The following ZFHX3 variants were observed in gnomAD, a reference collection of about 807,000 sequenced individuals.
The protein encoded by ZFHX3 is zinc finger homeobox 3, also known as zinc finger homeobox protein 3.
A neutral mutation model predicts 279.1 loss-of-function variants in ZFHX3; 42 were observed. That is an observed-to-expected ratio of 0.15 (90% CI 0.12 to 0.19). ZFHX3 has a LOEUF of 0.19. Ranked by LOEUF, ZFHX3 falls within the 10% of genes least tolerant of loss-of-function variation. The pLI, the probability that ZFHX3 is intolerant of heterozygous loss-of-function variation, is 1.00. For synonymous variants in ZFHX3, 2,293 were observed against 1,957.8 expected (o/e 1.17, Z -4.52); for missense variants, 4,981 against 4,754.0 (o/e 1.05, Z -1.40).
chr16:73,560,972 T>C (rs750111013), intron 2 of ZFHX3, among the ~76,000 whole-genome samples: 13 of 152,342 alleles, frequency 8.5e-5, no homozygotes, highest in Non-Finnish European at 1.5e-4. Context: ...ATAATCTAAA[T>C]TGATCCCTAA....
At position 73,579,873 on chromosome 16, in the gene ZFHX3, T is replaced by TATATATATATAC. The variant is rs879701579; in HGVS notation, c.-1547+100306_-1547+100307insGTATATATATAT. ...TACAGATTATATATATATATATATA[T>TATATATATATAC]ACATACACACACATATAATGTATTA... On this transcript the variant is annotated intron_variant, in intron 2 of 17. Transcript: ENST00000641206. Among the ~76,000 whole-genome samples, 700 of 145,412 alleles carry TATATATATATAC rather than the reference T, an allele frequency of 4.8e-3. 6 individuals carry two copies. The highest frequency in any genetic ancestry group is 6.5e-3 in the Non-Finnish European group (434 of 66,902).
At chr16:72,851,148 G>A (rs1473646961) in intron 4 of ZFHX3, among the ~76,000 whole-genome samples, 1 of 152,118 alleles carries the variant, frequency 6.6e-6, no homozygotes, top group Non-Finnish European at 1.5e-5. Context: ...ACGGAGGAGA[G>A]GAGAGTCCTG....
At chr16:72,933,290 G>C (rs775490847) in intron 3 of ZFHX3, among the ~76,000 whole-genome samples, 2 of 151,388 alleles carry the variant, frequency 1.3e-5, no homozygotes, top group Non-Finnish European at 2.9e-5. Context: ...TGTCTTCAGA[G>C]ACACAACAGA....
intron 3 of ZFHX3, among the ~76,000 whole-genome samples, chr16:73,342,619 C>T (rs2016054740): frequency 6.6e-6 from 1 of 152,086 alleles, no homozygotes; most frequent in African/African-American, 2.4e-5. Context: ...AGGAAATAAA[C>T]TATACAAGTA....
intron 1 of ZFHX3, among the ~76,000 whole-genome samples, chr16:73,014,657 G>C (rs1298690142): frequency 6.6e-6 from 1 of 150,828 alleles, no homozygotes; most frequent in Non-Finnish European, 1.5e-5. Flanking sequence ...CTCCTGAGTA[G>C]CTGGGATTAC....
chr16:73,702,530 G>C (rs140224161), intron 1 of ZFHX3, among the ~76,000 whole-genome samples: 2 of 152,218 alleles, frequency 1.3e-5, no homozygotes, highest in African/African-American at 4.8e-5. Flanking sequence ...CAAATGAAGG[G>C]GAATAAAAAT....
Position 72,959,633 on chromosome 16 carries a change from C to T in ZFHX3, c.513G>A (p.Leu171=). Residue 171 remains leucine, a synonymous_variant, in exon 2 of 10, where the codon CTG becomes CTA. Coordinates refer to ENST00000268489, the MANE Select transcript of ZFHX3 (RefSeq NM_006885.4). ...TGCCCCCCGCGCCAGGGAGAGAGTT[C>T]AGGAAAAGCGAGGGGAGAGGCCCAC... ...SGSGPLPSLF[L]NSLPGAGGKQ... The T allele has an allele frequency of 1.2e-6, 2 of 1,614,078 alleles. No homozygotes were observed. The highest frequency in any genetic ancestry group is 2.2e-5 in the South Asian group (2 of 91,086).
intron 5 of ZFHX3, among the ~76,000 whole-genome samples, chr16:73,241,455 AGAG>A (rs891420566): frequency 1.3e-5 from 2 of 152,120 alleles, no homozygotes; most frequent in Non-Finnish European, 2.9e-5. Context: ...GAGTGGACTG[AGAG>A]GAGAAGTGTA....
At chr16:73,081,757 A>T (rs72795159) in intron 8 of ZFHX3, 1 of 151,994 alleles carries the variant, frequency 6.6e-6, no homozygotes, top group Non-Finnish European at 1.5e-5. Flanking sequence ...CCTTTTTTCC[A>T]GTGACGTTGT....
intron 3 of ZFHX3, among the ~76,000 whole-genome samples, chr16:73,332,417 T>G (rs1787885564): frequency 6.6e-6 from 1 of 152,204 alleles, no homozygotes; most frequent in Admixed American, 6.5e-5. Flanking sequence ...GATGCCCAAC[T>G]TGGCCATGTC....
At chr16:73,248,261 T>C (rs141361109) in intron 5 of ZFHX3, among the ~76,000 whole-genome samples, 86 of 152,070 alleles carry the variant, frequency 5.7e-4, no homozygotes, top group Non-Finnish European at 8.4e-4. Flanking sequence ...TGTGCGTGTA[T>C]GTGGAATGTT....
At chr16:73,045,794 A>AT (rs2144713898) in intron 1 of ZFHX3, among the ~76,000 whole-genome samples, 1 of 140,306 alleles carries the variant, frequency 7.1e-6, no homozygotes, top group South Asian at 2.3e-4. Context: ...TTTCAAAAAA[A>AT]AAAAAAAAAG....
chr16:72,869,550 T>C (rs1310019052), intron 4 of ZFHX3, among the ~76,000 whole-genome samples: 2 of 151,640 alleles, frequency 1.3e-5, no homozygotes, highest in African/African-American at 2.4e-5. Flanking sequence ...CATTCCTCGT[T>C]TGACACCATG....
chr16:73,171,502 C>T (rs879241121), intron 5 of ZFHX3, among the ~76,000 whole-genome samples: 1 of 6,936 alleles, frequency 1.4e-4, no homozygotes, highest in Non-Finnish European at 3.3e-4. Context: ...GCGGGGGGGG[C>T]GGGGTGGGGG....
At chr16:73,129,378 T>TGA (rs1966632054) in intron 7 of ZFHX3, among the ~76,000 whole-genome samples, 1 of 56,686 alleles carries the variant, frequency 1.8e-5, no homozygotes, top group Non-Finnish European at 3.3e-5. Flanking sequence ...GCAGAGACTC[T>TGA]GACACACACA....
intron 1 of ZFHX3, among the ~76,000 whole-genome samples, chr16:73,004,159 C>CTTTTTTTTTTTTTTTTTTT (rs3081625): frequency 1.0e-4 from 5 of 49,372 alleles, no homozygotes; most frequent in Non-Finnish European, 1.3e-4. Context: ...AAAAACACGA[C>CTTTTTTTTTTTTTTTTTTT]TTTTTTTTTT....
intron 5 of ZFHX3, among the ~76,000 whole-genome samples, chr16:73,215,021 G>T (rs935866858): frequency 2.0e-5 from 3 of 151,972 alleles, no homozygotes; most frequent in African/African-American, 7.3e-5. Context: ...TGTAGAGGGG[G>T]CAGGGGGCAA....
At chr16:73,768,041 C>T (rs1336231345) in intron 1 of ZFHX3, among the ~76,000 whole-genome samples, 1 of 152,180 alleles carries the variant, frequency 6.6e-6, no homozygotes, top group Non-Finnish European at 1.5e-5. Flanking sequence ...AGAGTAGCCA[C>T]ATGAGAAGGG....
intron 3 of ZFHX3, among the ~76,000 whole-genome samples, chr16:73,399,097 C>T (rs915033362): frequency 1.3e-5 from 2 of 149,966 alleles, no homozygotes; most frequent in Non-Finnish European, 3.0e-5. Context: ...AGGCCAGTCT[C>T]GAACTCCTGA....
Sources: gnomAD v4.1 joint callset for allele counts (sites outside exome capture counted in the v4.1 genomes callset) on GRCh38, gnomAD v4.1.1 for gene constraint, MANE v1.5 for transcripts, NCBI Gene and HGNC (gene_info 2026-07-23, HGNC 2026-07-21) for gene names.